The following UBN2 variants were observed in gnomAD, a reference collection of about 807,000 sequenced individuals.
The protein encoded by UBN2 is ubinuclein-2.
In UBN2, 35 loss-of-function variants were observed where a neutral mutation model predicts 120.2. The ratio of observed to expected loss-of-function variants is 0.29; its 90% CI spans 0.22 to 0.39. The LOEUF (loss-of-function observed/expected upper bound fraction) is 0.39, where lower values mean the gene tolerates loss of function less well. UBN2 is among the 10% of genes least tolerant of loss of function. UBN2 has a pLI of 1.00. For missense variants in UBN2, 1,693 were observed against 1,663.2 expected, an observed-to-expected ratio of 1.02 and a Z score of -0.31; for synonymous variants, 661 against 648.7, an observed-to-expected ratio of 1.02 and a Z score of -0.29.
chr7:139,252,621 G>T (rs1258297805), intron 3 of UBN2, among the ~76,000 whole-genome samples: 2 of 152,110 alleles, frequency 1.3e-5, no homozygotes, highest in African/African-American at 4.8e-5. Flanking sequence ...GCATCTCATG[G>T]TTTGCTGACT....
In UBN2 at chr7:139,231,387, A is replaced by G; in HGVS notation, c.-98A>G. 3.8e-6 allele frequency: 4 copies of G among 1,064,484 alleles called. No homozygotes were observed. Among genetic ancestry groups the G allele is most frequent in the Non-Finnish European group, 4.8e-6 (4 of 830,444 alleles). 65.9% of individuals were successfully genotyped at this position (1,064,484 alleles called of 1,614,324 possible). A position where few individuals can be genotyped will look rare whatever the true frequency, so the allele number is the denominator to read the frequency against. The stretch of plus-strand genomic sequence containing the variant: ...GACGGCTGAGGGTGGTGGAGGGAAG[A>G]AAAGCGACAGAGAGCAAGAGGAAGG... On this transcript the variant is annotated 5_prime_UTR_variant, in exon 1 of 18. Transcript: ENST00000473989.
intron 1 of UBN2, among the ~76,000 whole-genome samples, chr7:139,236,263 A>G (rs758491165): frequency 6.6e-6 from 1 of 152,208 alleles, no homozygotes; most frequent in African/African-American, 2.4e-5. Flanking sequence ...CCCTACTAGA[A>G]GAAAGGCATG....
chr7:139,274,395 A>T (rs1797380100), intron 11 of UBN2, among the ~76,000 whole-genome samples: 1 of 152,214 alleles, frequency 6.6e-6, no homozygotes, highest in South Asian at 2.1e-4. Flanking sequence ...TTATAGGGGT[A>T]ACATGAAGAT....
At chr7:139,284,618 A>C in intron 15 of UBN2, 44 bp downstream of exon 15, 1 of 1,507,986 alleles carries the variant, frequency 6.6e-7, no homozygotes, top group South Asian at 1.3e-5. Flanking sequence ...ATAAGATTGT[A>C]TAATGTCGTC....
chr7:139,258,597 C>G lies in UBN2; in HGVS notation c.773C>G (p.Thr258Arg). The G allele has an allele frequency of 6.2e-7, 1 of 1,601,810 alleles. No homozygotes were observed. Among genetic ancestry groups the G allele is most frequent in the Non-Finnish European group, 8.5e-7 (1 of 1,172,912 alleles). Residue 258 changes from threonine (T) to arginine (R), a missense_variant, in exon 4 of 18, where the codon ACA (threonine) becomes AGA (arginine). Around this residue, in one of 5 missense-constraint regions of UBN2, gnomAD observed 663 missense variants for 591.2 expected, o/e 1.12. Coordinates refer to ENST00000473989, the MANE Select transcript of UBN2 (RefSeq NM_173569.4). Reference protein sequence around the residue: ...QASDTEEDDITDNQKHKPPKV... With the variant: ...QASDTEEDDIRDNQKHKPPKV... ...TCAGATACTGAAGAAGATGATATTA[C>G]AGACAACCAAAAGCACAAGCCACCC...
At chr7:139,237,195 C>A in intron 2 of UBN2, 98 bp downstream of exon 2, 1 of 701,932 alleles carries the variant, frequency 1.4e-6, no homozygotes, top group Non-Finnish European at 2.4e-6. Context: ...CGTTGCCTGC[C>A]TTACTTTGTT....
chr7:139,249,124 A>G (rs1192496353), intron 2 of UBN2, among the ~76,000 whole-genome samples: 1 of 152,094 alleles, frequency 6.6e-6, no homozygotes, highest in African/African-American at 2.4e-5. Context: ...CAGTAGCCCT[A>G]TTTAGCAAGA....
At chr7:139,266,256 T>A in intron 6 of UBN2, 77 bp from the exon 7 acceptor site, 1 of 877,598 alleles carries the variant, frequency 1.1e-6, no homozygotes, top group Non-Finnish European at 1.8e-6. Context: ...GAAAAAAACC[T>A]TTGAACACGT....
At chr7:139,280,323 A>G (rs1272685756) in intron 13 of UBN2, among the ~76,000 whole-genome samples, 2 of 152,254 alleles carry the variant, frequency 1.3e-5, no homozygotes, top group Non-Finnish European at 1.5e-5. Flanking sequence ...TTTAATATTT[A>G]GAGAAATAGA....
rs565233228 is a variant in UBN2 at position 139,253,509 on chromosome 7, C to T, written c.663+1452C>T. ...GTTGAAATTAATCTGGCAGACATCT[C>T]TAATATCTGTTCAATTCTTTATTGC... is the stretch of plus-strand genomic sequence containing the variant. On this transcript the variant is annotated intron_variant, in intron 3 of 17. Coordinates refer to ENST00000473989, the MANE Select transcript of UBN2 (RefSeq NM_173569.4). Among the ~76,000 whole-genome samples the T allele has an allele frequency of 7.2e-5, 11 of 152,330 alleles. No homozygotes were observed. The South Asian group carries it at 2.3e-3, about 32-fold the overall frequency.
intron 6 of UBN2, among the ~76,000 whole-genome samples, chr7:139,262,162 C>T (rs780928485): frequency 1.2e-4 from 18 of 152,042 alleles, no homozygotes; most frequent in Admixed American, 8.5e-4. Flanking sequence ...AGTGCAGTGG[C>T]GTGCTCTGCT....
At chr7:139,309,925 G>T (rs1386309239), downstream of UBN2, among the ~76,000 whole-genome samples, 1 of 152,198 alleles carries the variant, frequency 6.6e-6, no homozygotes, top group Non-Finnish European at 1.5e-5. Flanking sequence ...ACCCCAAAAT[G>T]TAGAGTGGTG....
Position 139,287,370 on chromosome 7 carries a change from TAAA to T in UBN2, c.3669+2799_3669+2801del, listed in dbSNP as rs563040875. On this transcript the variant is annotated intron_variant, in intron 15 of 17. Transcript: ENST00000473989. ...AAAATTGGGGAGTTATTTCTGGAAT[TAAA>T]AATTCATTTTTATTTTCATTTGCTT... 1.6e-4 allele frequency among the ~76,000 whole-genome samples: 24 copies of T among 152,364 alleles called. No individual in the cohort carries two copies. In the South Asian group the frequency reaches 4.6e-3, roughly 29 times the overall value.
chr7:139,237,513 C>T (rs1020693350), intron 2 of UBN2, among the ~76,000 whole-genome samples: 1 of 152,052 alleles, frequency 6.6e-6, no homozygotes, highest in African/African-American at 2.4e-5. Flanking sequence ...CCAGGCTGGT[C>T]GTGAACTCCT....
chr7:139,251,089 A>C (rs1275156297), intron 2 of UBN2, among the ~76,000 whole-genome samples: 1 of 152,126 alleles, frequency 6.6e-6, no homozygotes, highest in Non-Finnish European at 1.5e-5. Context: ...TGGGTGACAG[A>C]GTGAGACCCT....
intron 13 of UBN2, 76 bp downstream of exon 13, chr7:139,279,436 T>G (rs1021258110): frequency 8.2e-6 from 10 of 1,217,150 alleles, no homozygotes; most frequent in Non-Finnish European, 1.1e-5. Flanking sequence ...GAAAAAGATG[T>G]ATGGTATTTA....
At chr7:139,236,734 CT>C (rs901816567) in intron 1 of UBN2, among the ~76,000 whole-genome samples, 165 of 143,230 alleles carry the variant, frequency 1.2e-3, no homozygotes, top group Admixed American at 1.9e-3. Flanking sequence ...TATGAACCAA[CT>C]TTTTTTTTTT....
At chr7:139,320,855 C>CAA in the UBN2 span, among the ~76,000 whole-genome samples, 44 of 90,352 alleles carry the variant, frequency 4.9e-4, no homozygotes, top group Admixed American at 5.6e-4. Context: ...GACTCCGTCT[C>CAA]AAAAAAAAAA....
intron 3 of UBN2, among the ~76,000 whole-genome samples, chr7:139,253,102 T>C (rs540544441): frequency 6.6e-6 from 1 of 152,324 alleles, no homozygotes; most frequent in South Asian, 2.1e-4. Flanking sequence ...ACTTATATAT[T>C]AGTACATGGA....
Sources: allele counts gnomAD v4.1 joint callset (sites outside exome capture counted in the v4.1 genomes callset), GRCh38; gene constraint gnomAD v4.1.1; regional missense constraint gnomAD v4.1.1; transcripts MANE v1.5; gene names NCBI Gene and HGNC (gene_info 2026-07-23, HGNC 2026-07-21).